The following NUP214 variants were observed in gnomAD, a reference collection of about 807,000 sequenced individuals.
NUP214 encodes nuclear pore complex protein Nup214.
NUP214 carries 79 observed loss-of-function variants against 196.2 expected under a neutral mutation model. The observed-to-expected ratio is 0.40, with a 90% CI of 0.34 to 0.49. The LOEUF (loss-of-function observed/expected upper bound fraction) is 0.49, where lower values mean the gene tolerates loss of function less well. Among genes scored for constraint, NUP214 ranks in the 20% least tolerant of loss-of-function variants. The probability of loss-of-function intolerance (pLI) is 0.58; values close to 1 mark genes in which losing one functional copy is unlikely to be tolerated. For synonymous variants in NUP214, 1,020 were observed against 990.5 expected (o/e 1.03, Z -0.56); for missense variants, 2,468 against 2,539.0 (o/e 0.97, Z 0.60).
At chr9:131,152,469 GAATTATAAATAAATAAT>G (rs1318027523) in intron 17 of NUP214, among the ~76,000 whole-genome samples, 34 of 151,186 alleles carry the variant, frequency 2.2e-4, no homozygotes, top group African/African-American at 7.3e-5. Context: ...CATGTAAGTT[GAATTATAAATAAATAAT>G]AATTATAAAT....
chr9:131,196,025 T>TCTGTCC (rs1554737945), intron 28 of NUP214, among the ~76,000 whole-genome samples: 1 of 3,666 alleles, frequency 2.7e-4, no homozygotes, highest in Non-Finnish European at 6.3e-4. Context: ...ACTCTGTGTG[T>TCTGTCC]CCCCCCCCCC....
chr9:131,169,979 A>T (rs1832907766), intron 21 of NUP214, among the ~76,000 whole-genome samples: 1 of 152,070 alleles, frequency 6.6e-6, no homozygotes, highest in African/African-American at 2.4e-5. Flanking sequence ...ACAGAACTAG[A>T]ATGGTGGCTG....
At position 131,197,528 on chromosome 9, in the gene NUP214, CT is replaced by C; in HGVS notation, c.4035del (p.Thr1346GlnfsTer12). 2.5e-6 allele frequency: 4 copies of C among 1,614,188 alleles called. No individual in the cohort carries two copies. The highest frequency in any genetic ancestry group is 2.5e-6 in the Non-Finnish European group (3 of 1,180,036). ...CTGCGGGTTGGCCAAGCAGATGATT[CT>C]ACAAAACCAACCAATAAGGCTTCAT... is the stretch of plus-strand genomic sequence containing the variant. Reference protein sequence around the residue: ...SGLRVGQADDSTKPTNKASST... With the variant: ...SGLRVGQADDXTKPTNKASST... On this transcript the variant is annotated frameshift_variant, in exon 29 of 36. Coordinates refer to ENST00000359428, the MANE Select transcript of NUP214 (RefSeq NM_005085.4). LOFTEE classifies it high-confidence loss of function.
At position 131,130,909 on chromosome 9, in the gene NUP214, T is replaced by G. The variant is rs184231011; in HGVS notation, c.663+73T>G. The G allele has an allele frequency of 5.0e-6, 6 of 1,188,162 alleles. No homozygotes were observed. The East Asian group carries it at 1.4e-4, about 28-fold the overall frequency. The allele number at this position is 1,188,162 out of a possible 1,614,324, so 73.6% of individuals were successfully genotyped here. A position where few individuals can be genotyped will look rare whatever the true frequency, so the allele number is the denominator to read the frequency against. On this transcript the variant is annotated intron_variant, in intron 5 of 35. Coordinates refer to ENST00000359428, the MANE Select transcript of NUP214 (RefSeq NM_005085.4). ...TTTTGGGGGTGGTTTGGGAGTATCTTTCTTGTTTTTCCTATTAAAAAGTAA... is the reference window on the plus strand; with the variant it reads ...TTTTGGGGGTGGTTTGGGAGTATCTGTCTTGTTTTTCCTATTAAAAAGTAA...
rs141659384 is a variant in NUP214, at chr9:131,198,856, C to T, written c.5362C>T (p.Gln1788Ter). 3 of 1,614,182 alleles carry T rather than the reference C, an allele frequency of 1.9e-6. No individual in the cohort carries two copies. The highest frequency in any genetic ancestry group is 8.5e-7 in the Non-Finnish European group (1 of 1,180,036). ...TSSSSSFSFG[Q>*]SSPNTGGGLF... ...TAGCTCCAGTTCCTTCTCATTTGGA[C>T]AGTCTTCTCCCAACACAGGAGGGGG... The change falls in exon 29 of 36, where the codon CAG becomes TAG. Residue 1788 changes from glutamine to a stop codon, truncating the protein, a stop_gained. Transcript: ENST00000359428. LOFTEE classifies it high-confidence loss of function.
At chr9:131,148,470 G>A (rs1206693797) in intron 14 of NUP214, among the ~76,000 whole-genome samples, 2 of 152,134 alleles carry the variant, frequency 1.3e-5, no homozygotes, top group African/African-American at 4.8e-5. Context: ...TCTCTTGGGT[G>A]TATCCCTATG....
chr9:131,187,200 G>A, intron 24 of NUP214, 89 bp from the exon 25 acceptor site: 1 of 1,105,916 alleles, frequency 9.0e-7, no homozygotes, highest in Non-Finnish European at 1.4e-6. Flanking sequence ...AACTGGTATT[G>A]TATATTGGAC....
chr9:131,148,048 G>A (rs1296089080), intron 14 of NUP214, among the ~76,000 whole-genome samples: 8 of 152,340 alleles, frequency 5.3e-5, no homozygotes, highest in Admixed American at 1.3e-4. Flanking sequence ...TTAGCCGGGC[G>A]TGGTGGCACG....
chr9:131,131,142 C>T (rs1451950030), intron 5 of NUP214, among the ~76,000 whole-genome samples: 1 of 152,014 alleles, frequency 6.6e-6, no homozygotes, highest in Non-Finnish European at 1.5e-5. Context: ...TGCGCTGTTC[C>T]CCACCTTTTT....
intron 26 of NUP214, chr9:131,190,488 A>G: frequency 1.4e-6 from 1 of 691,598 alleles, no homozygotes; most frequent in Non-Finnish European, 2.6e-6. Flanking sequence ...CAGGTAATCA[A>G]GGTTTAGAAA....
chr9:131,204,319 G>A (rs192079248), intron 30 of NUP214, among the ~76,000 whole-genome samples: 81 of 152,286 alleles, frequency 5.3e-4, no homozygotes, highest in Non-Finnish European at 9.6e-4. Flanking sequence ...AGAATTTCTA[G>A]GAAAATGTAA....
intron 30 of NUP214, among the ~76,000 whole-genome samples, chr9:131,206,909 G>A (rs1338050191): frequency 6.6e-6 from 1 of 152,186 alleles, no homozygotes; most frequent in Non-Finnish European, 1.5e-5. Flanking sequence ...AATTATGTAT[G>A]CAATTGGAAG....
chr9:131,168,614 T>C (rs1335655952), intron 21 of NUP214, among the ~76,000 whole-genome samples: 2 of 152,240 alleles, frequency 1.3e-5, no homozygotes, highest in African/African-American at 4.8e-5. Context: ...TGTTTGGGTT[T>C]AGGTTCTTTC....
intron 24 of NUP214, among the ~76,000 whole-genome samples, chr9:131,182,258 T>C (rs1235655180): frequency 2.0e-5 from 3 of 152,206 alleles, no homozygotes; most frequent in East Asian, 3.8e-4. Context: ...GGATTTCTTA[T>C]AGATTAGGGG....
chr9:131,165,280 A>T (rs1832756473), intron 21 of NUP214: 1 of 150,910 alleles, frequency 6.6e-6, no homozygotes, highest in Non-Finnish European at 1.5e-5. Context: ...TCTAAAAAAA[A>T]TTAAAAAGTT....
chr9:131,214,046 G>C (rs1293286040), intron 30 of NUP214, among the ~76,000 whole-genome samples: 2 of 152,174 alleles, frequency 1.3e-5, no homozygotes, highest in African/African-American at 2.4e-5. Context: ...GACGTAGACT[G>C]TAGTGGGAGC....
At chr9:131,213,355 A>G (rs1460163087) in intron 30 of NUP214, among the ~76,000 whole-genome samples, 4 of 152,032 alleles carry the variant, frequency 2.6e-5, no homozygotes, top group Non-Finnish European at 4.4e-5. Context: ...TTGTATTTTT[A>G]GTAGAGACAG....
Position 131,197,624 on chromosome 9 carries a change from C to T in NUP214, c.4130C>T (p.Pro1377Leu), listed in dbSNP as rs772070449. The change falls in exon 29 of 36, where the codon CCC (proline) becomes CTC (leucine). Residue 1377 changes from proline (P) to leucine (L), a missense_variant. This residue lies in a region of NUP214 where 1,801 missense variants were observed against 1,779.4 expected (regional missense o/e 1.01). Transcript: ENST00000359428. ...GVPSGFNFTA[P>L]PVLGKHTEPP... ...CCCTCAGGGTTTAATTTTACTGCCC[C>T]CCCGGTGTTAGGGAAGCACACGGAG... The T allele has an allele frequency of 3.7e-6, 6 of 1,614,140 alleles. No homozygotes were observed. Among genetic ancestry groups the T allele is most frequent in the East Asian group, 2.2e-5 (1 of 44,880 alleles).
rs553257312 is a variant in NUP214 at position 131,175,610 on chromosome 9, G to A, written c.3308G>A (p.Ser1103Asn). 326 of 1,614,174 alleles carry A rather than the reference G, an allele frequency of 2.0e-4. 4 individuals are homozygous for A. The South Asian group carries it at 3.4e-3, about 17-fold the overall frequency. The change falls in exon 23 of 36, where the codon AGT becomes AAT. Residue 1103 changes from serine to asparagine, a missense_variant. By Grantham distance (46) the Ser-to-Asn change is conservative (BLOSUM62 1). Transcript: ENST00000359428. ...AAAALRRQMA[S>N]QAPAVNTLTE... ...GCAGCACTCAGGCGGCAGATGGCCA[G>A]TCAGGCACCAGGTAAAAGCTGTAGC...
Sources: allele counts gnomAD v4.1 joint callset (sites outside exome capture counted in the v4.1 genomes callset), GRCh38; gene constraint gnomAD v4.1.1; regional missense constraint gnomAD v4.1.1; transcripts MANE v1.5; gene names NCBI Gene and HGNC (gene_info 2026-07-23, HGNC 2026-07-21).